The following TMPRSS11D variants were observed in gnomAD, a reference collection of about 807,000 sequenced individuals.
The protein encoded by TMPRSS11D is transmembrane serine protease 11D.
TMPRSS11D carries 32 observed loss-of-function variants against 44.4 expected under a neutral mutation model. That is an observed-to-expected ratio of 0.72 (90% CI 0.54 to 0.97). The LOEUF (loss-of-function observed/expected upper bound fraction) is 0.97, where lower values mean the gene tolerates loss of function less well. Among genes scored for constraint, TMPRSS11D ranks in the 50% least tolerant of loss-of-function variants. The pLI is 0.00. For synonymous variants in TMPRSS11D, 179 were observed against 177.9 expected, an observed-to-expected ratio of 1.01 and a Z score of -0.05; for missense variants, 446 against 502.6, an observed-to-expected ratio of 0.89 and a Z score of 1.08.
At chr4:67,853,075 C>T (rs1242146211) in intron 3 of TMPRSS11D, among the ~76,000 whole-genome samples, 3 of 152,100 alleles carry the variant, frequency 2.0e-5, no homozygotes, top group African/African-American at 2.4e-5. Flanking sequence ...GTGGGGCACA[C>T]GATGGCTGAA....
At chr4:67,857,561 C>T (rs1049530371) in intron 2 of TMPRSS11D, among the ~76,000 whole-genome samples, 20 of 151,736 alleles carry the variant, frequency 1.3e-4, no homozygotes, top group Non-Finnish European at 2.2e-4. Flanking sequence ...AATTTGAGAC[C>T]GGCCTGGGCA....
intron 3 of TMPRSS11D, among the ~76,000 whole-genome samples, chr4:67,851,525 G>A (rs376638226): frequency 8.5e-5 from 13 of 152,220 alleles, no homozygotes; most frequent in African/African-American, 2.6e-4. Context: ...AGCCTCACCC[G>A]GACTATAAAT....
At chr4:67,863,833 GTAT>G (rs1244368224) in intron 1 of TMPRSS11D, among the ~76,000 whole-genome samples, 4 of 151,978 alleles carry the variant, frequency 2.6e-5, no homozygotes, top group Admixed American at 2.6e-4. Context: ...GGAATTTAAG[GTAT>G]TATTATAGAG....
chr4:67,847,985 C>T (rs990084644), intron 3 of TMPRSS11D, among the ~76,000 whole-genome samples: 2 of 152,162 alleles, frequency 1.3e-5, no homozygotes, highest in African/African-American at 4.8e-5. Context: ...GCCAAATTCT[C>T]TTCTAGGCTT....
chr4:67,858,199 A>G (rs931180210), intron 2 of TMPRSS11D, among the ~76,000 whole-genome samples: 1 of 152,170 alleles, frequency 6.6e-6, no homozygotes, highest in Non-Finnish European at 1.5e-5. Context: ...TACGCAGACA[A>G]ATACCTTGGT....
At chr4:67,838,465 T>C (rs918635217) in intron 4 of TMPRSS11D, 136 bp from the exon 5 acceptor site, 4 of 768,714 alleles carry the variant, frequency 5.2e-6, no homozygotes, top group Non-Finnish European at 7.7e-6. Flanking sequence ...TCTGTAACAG[T>C]GTTTGCATAC....
intron 1 of TMPRSS11D, among the ~76,000 whole-genome samples, chr4:67,864,910 C>T (rs1718882889): frequency 1.3e-5 from 2 of 151,650 alleles, no homozygotes; most frequent in African/African-American, 2.4e-5. Context: ...GACAGGAATA[C>T]AATAATGATG....
At chr4:67,883,307 C>A (rs1156407747) in intron 1 of TMPRSS11D, among the ~76,000 whole-genome samples, 1 of 151,936 alleles carries the variant, frequency 6.6e-6, no homozygotes, top group Non-Finnish European at 1.5e-5. Context: ...TAACGTGTGA[C>A]TTGATTATCT....
At chr4:67,831,732 CTTGGGTTAT>C (rs1182231603) in intron 7 of TMPRSS11D, among the ~76,000 whole-genome samples, 1 of 152,044 alleles carries the variant, frequency 6.6e-6, no homozygotes, top group African/African-American at 2.4e-5. Flanking sequence ...AATTTTGTCT[CTTGGGTTAT>C]TTGGGATATA....
At chr4:67,880,539 C>G (rs1719297146) in intron 1 of TMPRSS11D, among the ~76,000 whole-genome samples, 1 of 151,968 alleles carries the variant, frequency 6.6e-6, no homozygotes, top group African/African-American at 2.4e-5. Flanking sequence ...CTATTAAATT[C>G]AGGTAGATAT....
rs942805115 is a variant in TMPRSS11D, at chr4:67,859,495, C to A, written c.130+62G>T. On this transcript the variant is annotated intron_variant, in intron 2 of 9. Coordinates refer to ENST00000283916, the MANE Select transcript of TMPRSS11D (RefSeq NM_004262.3). The stretch of plus-strand genomic sequence containing the variant: ...CCATAGTAAAAGAAAGAATGCCAGA[C>A]TTTAAATCTGAAATTGTATGTAGCT... The A allele has an allele frequency of 1.3e-5, 20 of 1,552,556 alleles. No individual in the cohort carries two copies. In the African/African-American group the frequency reaches 2.5e-4, roughly 19 times the overall value.
chr4:67,873,558 TAAAG>T (rs1331913063), intron 1 of TMPRSS11D, among the ~76,000 whole-genome samples: 8 of 152,216 alleles, frequency 5.3e-5, no homozygotes, highest in East Asian at 3.9e-4. Flanking sequence ...ATAAAGAGCC[TAAAG>T]AAAGAAAGAT....
chr4:67,858,214 G>T (rs1236602622), intron 2 of TMPRSS11D, among the ~76,000 whole-genome samples: 1 of 152,094 alleles, frequency 6.6e-6, no homozygotes, highest in Non-Finnish European at 1.5e-5. Context: ...CTTGGTAAGG[G>T]GCAAGAGTTG....
At chr4:67,882,339 T>C (rs1297439441) in intron 1 of TMPRSS11D, among the ~76,000 whole-genome samples, 1 of 152,216 alleles carries the variant, frequency 6.6e-6, no homozygotes, top group African/African-American at 2.4e-5. Context: ...CTAGCTGCTA[T>C]TTATTAGTAG....
chr4:67,870,449 C>T (rs879847995), intron 1 of TMPRSS11D, among the ~76,000 whole-genome samples: 15 of 152,216 alleles, frequency 9.9e-5, no homozygotes, highest in Non-Finnish European at 1.5e-4. Flanking sequence ...ACAGGGCTTG[C>T]TCCCTGGCCT....
intron 3 of TMPRSS11D, among the ~76,000 whole-genome samples, chr4:67,851,508 A>G (rs796421347): frequency 3.9e-5 from 6 of 152,112 alleles, no homozygotes; most frequent in African/African-American, 1.4e-4. Context: ...AGGGAGGCGC[A>G]CCTCCTAGCC....
At chr4:67,868,149 T>C (rs1577829746) in intron 1 of TMPRSS11D, among the ~76,000 whole-genome samples, 1 of 151,768 alleles carries the variant, frequency 6.6e-6, no homozygotes, top group East Asian at 1.9e-4. Flanking sequence ...ATCATGTCTT[T>C]TACAGCAATA....
At chr4:67,859,351 A>T (rs569579923) in intron 2 of TMPRSS11D, among the ~76,000 whole-genome samples, 2 of 152,098 alleles carry the variant, frequency 1.3e-5, no homozygotes, top group Non-Finnish European at 2.9e-5. Flanking sequence ...TGGGGCACTA[A>T]AAATGGCCAA....
intron 1 of TMPRSS11D, among the ~76,000 whole-genome samples, chr4:67,876,826 G>GA (rs1373525153): frequency 6.6e-6 from 1 of 152,144 alleles, no homozygotes; most frequent in Non-Finnish European, 1.5e-5. Flanking sequence ...AAGCACTTAG[G>GA]ACATTTTTTT....
Sources: allele counts gnomAD v4.1 joint callset (sites outside exome capture counted in the v4.1 genomes callset), GRCh38; gene constraint gnomAD v4.1.1; transcripts MANE v1.5; gene names NCBI Gene and HGNC (gene_info 2026-07-23, HGNC 2026-07-21).